The following KMT2D variants were observed in gnomAD, a reference collection of about 807,000 sequenced individuals.
KMT2D encodes histone-lysine N-methyltransferase 2D.
In KMT2D, 55 loss-of-function variants were observed where a neutral mutation model predicts 512.7. That is an observed-to-expected ratio of 0.11 (90% CI 0.09 to 0.13). The LOEUF (loss-of-function observed/expected upper bound fraction) is 0.13, where lower values mean the gene tolerates loss of function less well. Among genes scored for constraint, KMT2D ranks in the 10% least tolerant of loss-of-function variants. The pLI is 1.00. For synonymous variants in KMT2D, 2,995 were observed against 2,904.0 expected (o/e 1.03, Z -1.01); for missense variants, 6,061 against 7,127.9 (o/e 0.85, Z 5.39).
chr12:49,039,617 G>T lies in KMT2D; in HGVS notation c.8047C>A (p.Arg2683Ser). Residue 2683 changes from arginine to serine, a missense_variant and splice_region_variant, in exon 33 of 55, where the codon CGC becomes AGC. Coordinates refer to ENST00000301067, the MANE Select transcript of KMT2D (RefSeq NM_003482.4). The surrounding 1 kb of genome is among the most constrained non-coding windows in gnomAD (Gnocchi z 5.0). ...SQTELEKQRQ[R>S]QRLRELLIRQ... is the part of the protein sequence containing the mutation. The stretch of plus-strand genomic sequence containing the variant: ...ATCAGCAGCTCTCGTAGTCGCTGGC[G>T]CTATGCAAAAAAAAGAGAAGAGGAA... 1 of 1,605,804 alleles carries T rather than the reference G, an allele frequency of 6.2e-7. No individual in the cohort carries two copies. The highest frequency in any genetic ancestry group is 8.5e-7 in the Non-Finnish European group (1 of 1,178,418).
rs371489510 is a variant in KMT2D at position 49,040,160 on chromosome 12, G to A, written c.7610C>T (p.Thr2537Ile). ...AGGCTCCCCTACTGCCTGAGGGAAA[G>A]TGAAACGCATGGGAGAGGGGGTGCC... Reference protein sequence around the residue: ...FVGTPSPMRFTFPQAVGEPSL... With the variant: ...FVGTPSPMRFIFPQAVGEPSL... Residue 2537 changes from threonine (T) to isoleucine (I), a missense_variant, in exon 32 of 55, where the codon ACT becomes ATT. Thr to Ile is a moderately conservative substitution (Grantham distance 89). This residue lies in a region of KMT2D where 710 missense variants were observed against 647.3 expected (regional missense o/e 1.10). Transcript: ENST00000301067. 3.4e-5 allele frequency: 55 copies of A among 1,613,872 alleles called. No homozygotes were observed. The highest frequency in any genetic ancestry group is 4.5e-5 in the Non-Finnish European group (53 of 1,179,830).
rs2120489642 is a variant in KMT2D, at chr12:49,038,043, C to T, written c.9313G>A (p.Asp3105Asn). The change falls in exon 35 of 55, where the codon GAT becomes AAT. Residue 3105 changes from aspartate (D) to asparagine (N), a missense_variant. Asp to Asn is a conservative substitution (Grantham distance 23). Coordinates refer to ENST00000301067, the MANE Select transcript of KMT2D (RefSeq NM_003482.4). The surrounding 1 kb of genome is among the most constrained non-coding windows in gnomAD (Gnocchi z 5.7). ...GPEERPPPAA[D>N]ASEPRLASVL... ...GATGCCAGGCGGGGTTCAGAGGCAT[C>T]AGCAGCAGGGGGAGGGCGCTCCTCA... The T allele has an allele frequency of 6.2e-7, 1 of 1,611,574 alleles. No individual in the cohort carries two copies. The highest frequency in any genetic ancestry group is 8.5e-7 in the Non-Finnish European group (1 of 1,179,036).
At chr12:49,055,188 T>C (rs891480310) in intron 2 of KMT2D, 88 bp downstream of exon 2, 15 of 1,549,360 alleles carry the variant, frequency 9.7e-6, no homozygotes, top group Non-Finnish European at 1.2e-5. Context: ...ATCTGCTACA[T>C]AGACTTAGCT....
chr12:49,021,424 CG>C lies in KMT2D; in HGVS notation c.*355del, dbSNP rs1354188381. 4 of 339,856 alleles carry C rather than the reference CG, an allele frequency of 1.2e-5. No individual in the cohort carries two copies. The highest frequency in any genetic ancestry group is 2.1e-5 in the African/African-American group (1 of 48,000). The allele number at this position is 339,856 out of a possible 1,614,324, so 21.1% of individuals were successfully genotyped here. ...GTGGGAGCAGCAGGGCTGTGAGGCC[CG>C]GCCACACATCCTCTTCCCCCACCCT... On this transcript the variant is annotated 3_prime_UTR_variant, in exon 55 of 55. Transcript: ENST00000301067.
rs1166877064 is a variant in KMT2D at position 49,038,200 on chromosome 12, A to G, written c.9156T>C (p.Tyr3052=). The G allele has an allele frequency of 3.7e-6, 6 of 1,613,750 alleles. No homozygotes were observed. The highest frequency in any genetic ancestry group is 2.2e-5 in the East Asian group (1 of 44,890). Residue 3052 remains tyrosine, a synonymous_variant, in exon 35 of 55, where the codon TAT becomes TAC. Transcript: ENST00000301067. The surrounding 1 kb of genome is among the most constrained non-coding windows in gnomAD (Gnocchi z 5.7). The part of the protein sequence containing the change: ...LNGDEFDLLA[Y]TDPELDTGDK... ...CCCCAGTGTCCAGCTCAGGATCAGT[A>G]TATGCCAGCAGGTCAAACTCGTCTC...
chr12:49,021,388 C>A lies in KMT2D; in HGVS notation c.*392G>T. ...GTCTCTTTGCAGCCGTGAGTTGGGC[C>A]GGAGAGGTCAGTGGGAGCAGCAGGG... On this transcript the variant is annotated 3_prime_UTR_variant, in exon 55 of 55. Transcript: ENST00000301067. 6.9e-6 allele frequency: 2 copies of A among 288,726 alleles called. No homozygotes were observed. The highest frequency in any genetic ancestry group is 1.3e-5 in the Non-Finnish European group (2 of 153,312). 17.9% of individuals were successfully genotyped at this position (288,726 alleles called of 1,614,324 possible).
intron 14 of KMT2D, 28 bp downstream of exon 14, chr12:49,048,631 C>A: frequency 7.1e-7 from 1 of 1,413,786 alleles, no homozygotes; most frequent in South Asian, 1.2e-5. Context: ...ACACAATGTT[C>A]AGTGTGCCAG....
At position 49,018,989 on chromosome 12, in the gene KMT2D, TTC is replaced by T. The variant is rs967388179; in HGVS notation, c.*2789_*2790del. On this transcript the variant is annotated 3_prime_UTR_variant, in exon 55 of 55. Coordinates refer to ENST00000301067, the MANE Select transcript of KMT2D (RefSeq NM_003482.4). ...GACGGAGCCGCTTGTATTTAAAATG[TTC>T]TTTTTTTATTTGTCGTTTAAAAACA... 1.5e-5 allele frequency: 21 copies of T among 1,406,772 alleles called. No individual in the cohort carries two copies. Among genetic ancestry groups the T allele is most frequent in the African/African-American group, 2.9e-5 (2 of 68,316 alleles). 87.1% of individuals were successfully genotyped at this position (1,406,772 alleles called of 1,614,324 possible). A position where few individuals can be genotyped will look rare whatever the true frequency, so the allele number is the denominator to read the frequency against.
In KMT2D at chr12:49,038,112, G is replaced by A. The variant is rs988895659; in HGVS notation, c.9244C>T (p.Arg3082Trp). ...LVESANEKAE[R>W]EALLRGVEPG... The stretch of plus-strand genomic sequence containing the variant: ...TCCACCCCCCGCAGCAGGGCCTCCC[G>A]TTCAGCCTTCTCATTAGCCGATTCT... The change falls in exon 35 of 55, where the codon CGG (arginine) becomes TGG (tryptophan). Residue 3082 changes from arginine (R) to tryptophan (W), a missense_variant. This residue lies in a region of KMT2D where 533 missense variants were observed against 539.6 expected (regional missense o/e 0.99). Transcript: ENST00000301067. This position sits in a 1 kb window ranked among gnomAD's most constrained non-coding sequence, Gnocchi z 5.7. 6 of 1,613,928 alleles carry A rather than the reference G, an allele frequency of 3.7e-6. No individual in the cohort carries two copies. Among genetic ancestry groups the A allele is most frequent in the South Asian group, 1.1e-5 (1 of 91,080 alleles).
chr12:49,051,257 TG>T lies in KMT2D; in HGVS notation c.2425del (p.Gln809ArgfsTer121). 2.0e-6 allele frequency: 3 copies of T among 1,463,508 alleles called. No individual in the cohort carries two copies. Among genetic ancestry groups the T allele is most frequent in the Middle Eastern group, 1.8e-4 (1 of 5,438 alleles). The allele number at this position is 1,463,508 out of a possible 1,614,324, so 90.7% of individuals were successfully genotyped here. ...PQPEELHLSPQTEEPHLSPVP... is the reference protein window; with the variant it reads ...PQPEELHLSPXTEEPHLSPVP... ...AGGAGACAGGTGCGGCTCCTCAGTC[TG>T]GGGGGACAGGTGCAATTCCTCAGGC... On this transcript the variant is annotated frameshift_variant, in exon 11 of 55. Transcript: ENST00000301067. LOFTEE classifies it high-confidence loss of function.
rs2137704521 is a variant in KMT2D at position 49,022,234 on chromosome 12, C to T, written c.16412+46G>A. On this transcript the variant is annotated intron_variant, in intron 53 of 54. Transcript: ENST00000301067. The surrounding 1 kb of genome is among the most constrained non-coding windows in gnomAD (Gnocchi z 8.6). ...CCTTGTTCGTCTATCCCCCAGAGTG[C>T]CACTCTCAGGGACCACTAAATCCCT... 1 of 1,592,458 alleles carries T rather than the reference C, an allele frequency of 6.3e-7. No individual in the cohort carries two copies. Among genetic ancestry groups the T allele is most frequent in the Non-Finnish European group, 8.6e-7 (1 of 1,161,836 alleles).
rs749921749 is a variant in KMT2D, at chr12:49,050,968, T to C, written c.2715A>G (p.Glu905=). 2 of 1,559,560 alleles carry C rather than the reference T, an allele frequency of 1.3e-6. No homozygotes were observed. The highest frequency in any genetic ancestry group is 2.4e-5 in the South Asian group (2 of 81,900). Residue 905 remains glutamate, a synonymous_variant, in exon 11 of 55, where the codon GAA becomes GAG. Transcript: ENST00000301067. ...CCTCGGGCAGAGGGGACAGAGGTGG[T>C]TCCCCAGGCTCAGACAGGGCTGGCT... The part of the protein sequence containing the change: ...LGEPALSEPG[E]PPLSPLPEEL...
rs1203977578 is a variant in KMT2D, at chr12:49,019,006, G to C, written c.*2774C>G. The C allele has an allele frequency of 3.6e-6, 5 of 1,394,880 alleles. No homozygotes were observed. The highest frequency in any genetic ancestry group is 4.6e-6 in the Non-Finnish European group (5 of 1,078,176). 86.4% of individuals were successfully genotyped at this position (1,394,880 alleles called of 1,614,324 possible). On this transcript the variant is annotated 3_prime_UTR_variant, in exon 55 of 55. Transcript: ENST00000301067. ...TTAAAATGTTCTTTTTTTATTTGTCGTTTAAAAACAAACTTGGAAGAAGCA... is the reference window on the plus strand; with the variant it reads ...TTAAAATGTTCTTTTTTTATTTGTCCTTTAAAAACAAACTTGGAAGAAGCA...
Position 49,032,699 on chromosome 12 carries a change from T to C in KMT2D, c.12006A>G (p.Pro4002=), listed in dbSNP as rs375116340. ...QQQVALGPGM[P]AKPLQHFSSP... ...TAGAAAAGTGTTGAAGAGGCTTTGC[T>C]GGCATGCCAGGGCCAAGTGCCACTT... Residue 4002 remains proline (P), a synonymous_variant, in exon 40 of 55, where the codon CCA becomes CCG. Transcript: ENST00000301067. The C allele has an allele frequency of 1.7e-4, 270 of 1,612,624 alleles. 1 individual carries two copies. The highest frequency in any genetic ancestry group is 2.1e-4 in the Non-Finnish European group (246 of 1,179,390).
chr12:49,041,357 G>A lies in KMT2D; in HGVS notation c.6413C>T (p.Ser2138Phe), dbSNP rs2120545757. Residue 2138 changes from serine (S) to phenylalanine (F), a missense_variant, in exon 32 of 55, where the codon TCT becomes TTT. Ser to Phe is a radical substitution (Grantham distance 155, BLOSUM62 -2). This residue lies in a region of KMT2D where 710 missense variants were observed against 647.3 expected (regional missense o/e 1.10). Transcript: ENST00000301067. The surrounding 1 kb of genome is among the most constrained non-coding windows in gnomAD (Gnocchi z 5.4). ...CGGCGGCTTCAGGAACCCGTCCGCA[G>A]AGGTAGACAAGCCGGCGGGGGTAGT... ...SPTTPAGLST[S>F]ADGFLKPPAG... is the part of the protein sequence containing the mutation. 6.3e-7 allele frequency: 1 copy of A among 1,580,888 alleles called. No individual in the cohort carries two copies. The highest frequency in any genetic ancestry group is 8.6e-7 in the Non-Finnish European group (1 of 1,163,664).
At position 49,049,925 on chromosome 12, in the gene KMT2D, A is replaced by T. The variant is rs2120643002; in HGVS notation, c.3663T>A (p.Pro1221=). 6.2e-7 allele frequency: 1 copy of T among 1,613,978 alleles called. No individual in the cohort carries two copies. The highest frequency in any genetic ancestry group is 8.5e-7 in the Non-Finnish European group (1 of 1,179,896). The change falls in exon 12 of 55, where the codon CCT becomes CCA. Residue 1221 remains proline, a synonymous_variant. Coordinates refer to ENST00000301067, the MANE Select transcript of KMT2D (RefSeq NM_003482.4). ...GAGAGCCCAGGAGGGGCTCTGAGCCAGGAAAACTGGCACTGGCATCACCCT... is the reference window on the plus strand; with the variant it reads ...GAGAGCCCAGGAGGGGCTCTGAGCCTGGAAAACTGGCACTGGCATCACCCT... The part of the protein sequence containing the change: ...LSQGDASASF[P]GSEPLLGSPD...
chr12:49,047,394 C>G (rs1417462622), intron 15 of KMT2D, among the ~76,000 whole-genome samples: 1 of 151,400 alleles, frequency 6.6e-6, no homozygotes, highest in African/African-American at 2.4e-5. Context: ...GAATTAGGTC[C>G]CCCAGTTTTT....
At chr12:49,058,198 A>C (rs1938525641) in intron 1 of KMT2D, among the ~76,000 whole-genome samples, 1 of 152,092 alleles carries the variant, frequency 6.6e-6, no homozygotes, top group Non-Finnish European at 1.5e-5. Context: ...AGACCCTCTG[A>C]ACTGTGTCCC....
chr12:49,021,613 C>A lies in KMT2D; in HGVS notation c.*167G>T. 1 of 603,990 alleles carries A rather than the reference C, an allele frequency of 1.7e-6. No homozygotes were observed. Among genetic ancestry groups the A allele is most frequent in the South Asian group, 2.1e-5 (1 of 46,772 alleles). The allele number at this position is 603,990 out of a possible 1,614,324, so 37.4% of individuals were successfully genotyped here. A position where few individuals can be genotyped will look rare whatever the true frequency, so the allele number is the denominator to read the frequency against. On this transcript the variant is annotated 3_prime_UTR_variant, in exon 55 of 55. Coordinates refer to ENST00000301067, the MANE Select transcript of KMT2D (RefSeq NM_003482.4). ...GATTGTCCCTGGTGCCCAGGGTGGGCTTGGCCTAGGGCCCTCTGCCCCAGC... is the reference window on the plus strand; with the variant it reads ...GATTGTCCCTGGTGCCCAGGGTGGGATTGGCCTAGGGCCCTCTGCCCCAGC...
Sources: gnomAD v4.1 joint callset for allele counts (sites outside exome capture counted in the v4.1 genomes callset) on GRCh38, gnomAD v4.1.1 for gene constraint, gnomAD v4.1.1 regional missense constraint, Gnocchi (gnomAD v3.1) non-coding constraint, MANE v1.5 for transcripts, NCBI Gene and HGNC (gene_info 2026-07-23, HGNC 2026-07-21) for gene names.